The following USP28 variants were observed in gnomAD, a reference collection of about 807,000 sequenced individuals.
USP28 encodes the protein ubiquitin carboxyl-terminal hydrolase 28.
A neutral mutation model predicts 145.0 loss-of-function variants in USP28; 113 were observed. The observed-to-expected ratio is 0.78, with a 90% confidence interval of 0.67 to 0.91. The LOEUF (loss-of-function observed/expected upper bound fraction) is 0.91. Ranked by LOEUF, USP28 falls within the 40% of genes least tolerant of loss-of-function variation. USP28 has a pLI of 0.00. For missense variants in USP28, 1,201 were observed against 1,289.6 expected (o/e 0.93, Z 1.05); for synonymous variants, 447 against 450.9 (o/e 0.99, Z 0.11).
intron 12 of USP28, among the ~76,000 whole-genome samples, chr11:113,818,595 A>T (rs1445529055): frequency 3.9e-5 from 6 of 152,170 alleles, no homozygotes; most frequent in Admixed American, 1.3e-4. Flanking sequence ...ATGGTGACTC[A>T]TGCTTGTAAT....
At chr11:113,830,330 G>A (rs891728153) in intron 9 of USP28, among the ~76,000 whole-genome samples, 3 of 152,198 alleles carry the variant, frequency 2.0e-5, no homozygotes, top group African/African-American at 7.2e-5. Flanking sequence ...TATCAGATTG[G>A]TAAGAGTGGG....
intron 23 of USP28, among the ~76,000 whole-genome samples, chr11:113,802,765 A>G (rs1939262231): frequency 6.6e-6 from 1 of 152,252 alleles, no homozygotes; most frequent in African/African-American, 2.4e-5. Flanking sequence ...CATGGAAAAA[A>G]TGCTGCATTC....
At chr11:113,840,427 C>G (rs745787799) in intron 5 of USP28, among the ~76,000 whole-genome samples, 171 bp downstream of exon 5, 2 of 152,194 alleles carry the variant, frequency 1.3e-5, no homozygotes, top group Non-Finnish European at 2.9e-5. Flanking sequence ...CTTTTTAGTA[C>G]TGCCCAACTT....
At chr11:113,869,244 C>A (rs1365807677) in intron 1 of USP28, among the ~76,000 whole-genome samples, 1 of 152,104 alleles carries the variant, frequency 6.6e-6, no homozygotes, top group African/African-American at 2.4e-5. Context: ...ACCAGCCTGG[C>A]CAACATGGTG....
At chr11:113,805,955 G>T (rs570403219) in intron 19 of USP28, among the ~76,000 whole-genome samples, 5 of 152,040 alleles carry the variant, frequency 3.3e-5, no homozygotes, top group African/African-American at 1.2e-4. Flanking sequence ...TGGAGACAGG[G>T]TCTCACTCTG....
chr11:113,823,882 T>C (rs1018892394), intron 11 of USP28, among the ~76,000 whole-genome samples, 182 bp from the exon 12 acceptor site: 1 of 152,168 alleles, frequency 6.6e-6, no homozygotes, highest in Admixed American at 6.5e-5. Flanking sequence ...GGAACAAGGA[T>C]ACCCACTCTT....
Position 113,856,584 on chromosome 11 carries a change from C to T in USP28, c.58-2249G>A, listed in dbSNP as rs529090182. On this transcript the variant is annotated intron_variant, in intron 1 of 24. Coordinates refer to ENST00000003302, the Ensembl canonical transcript of USP28. ...CTGAGGCACAGAGAGATTAACTTTA[C>T]ACAAAGTTACTGCTGATAAGGGATG... Among the ~76,000 whole-genome samples the T allele has an allele frequency of 1.4e-4, 21 of 152,298 alleles. No homozygotes were observed. In the South Asian group the frequency reaches 3.1e-3, roughly 23 times the overall value.
At chr11:113,816,864 C>A (rs1941821127) in intron 13 of USP28, among the ~76,000 whole-genome samples, 2 of 152,146 alleles carry the variant, frequency 1.3e-5, no homozygotes, top group African/African-American at 4.8e-5. Context: ...CCACTCCTAT[C>A]CCCAGACTCA....
chr11:113,827,467 C>G (rs1329043041), intron 10 of USP28, 107 bp from the exon 11 acceptor site: 18 of 1,222,172 alleles, frequency 1.5e-5, no homozygotes, highest in Non-Finnish European at 2.0e-5. Flanking sequence ...TGGTATAGAA[C>G]TTATACTCAA....
intron 8 of USP28, among the ~76,000 whole-genome samples, chr11:113,831,573 A>T (rs902161998): frequency 6.6e-6 from 1 of 152,326 alleles, no homozygotes; most frequent in African/African-American, 2.4e-5. Context: ...CTCAAAAGGG[A>T]TCTTAAATTT....
exon 22 of USP28, chr11:113,803,803 T>G: frequency 6.2e-7 from 1 of 1,613,474 alleles, no homozygotes; most frequent in Non-Finnish European, 8.5e-7. Context: ...CATACTTTCC[T>G]TTTTGATAGA....
At chr11:113,858,901 G>A (rs997037366) in intron 1 of USP28, among the ~76,000 whole-genome samples, 5 of 152,276 alleles carry the variant, frequency 3.3e-5, no homozygotes. Context: ...GAGCCACCGG[G>A]CCAGGCCTGT....
chr11:113,839,332 C>T (rs1038098337), intron 5 of USP28, among the ~76,000 whole-genome samples: 14 of 152,316 alleles, frequency 9.2e-5, no homozygotes, highest in Admixed American at 5.9e-4. Flanking sequence ...GGCCTGTAAT[C>T]CCAGCACTTT....
intron 10 of USP28, 131 bp from the exon 11 acceptor site, chr11:113,827,491 T>A: frequency 1.1e-6 from 1 of 882,250 alleles, no homozygotes; most frequent in South Asian, 2.3e-5. Context: ...AAACTCATAC[T>A]AGAACTTTTT....
At chr11:113,801,582 T>C in exon 24 of USP28, 3 of 1,611,226 alleles carry the variant, frequency 1.9e-6, no homozygotes, top group East Asian at 2.2e-5. Context: ...ATAAGGTGAA[T>C]GCAGGGGATG....
chr11:113,870,157 C>A (rs1044337869), intron 1 of USP28, among the ~76,000 whole-genome samples: 6 of 152,040 alleles, frequency 3.9e-5, no homozygotes, highest in Admixed American at 3.9e-4. Flanking sequence ...AGCGAAACTC[C>A]GTCTCAAAAA....
chr11:113,840,659 T>A (rs758514195), exon 5 of USP28: 2 of 1,614,204 alleles, frequency 1.2e-6, no homozygotes, highest in Non-Finnish European at 1.7e-6. Flanking sequence ...TGGCCAACCA[T>A]CAACTCTCCT....
intron 23 of USP28, among the ~76,000 whole-genome samples, chr11:113,802,146 C>A (rs932734509): frequency 2.0e-5 from 3 of 152,134 alleles, no homozygotes; most frequent in Admixed American, 2.0e-4. Context: ...GGGGTTGGGA[C>A]TCAATAATGG....
At chr11:113,832,050 A>C (rs2135964644) in intron 7 of USP28, 57 bp from the exon 8 acceptor site, 3 of 1,366,968 alleles carry the variant, frequency 2.2e-6, no homozygotes, top group Non-Finnish European at 3.1e-6. Context: ...AGAAATTAAA[A>C]TTTATCCTTA....
Sources: allele counts gnomAD v4.1 joint callset (sites outside exome capture counted in the v4.1 genomes callset), GRCh38; gene constraint gnomAD v4.1.1; transcripts MANE v1.5; gene names NCBI Gene and HGNC (gene_info 2026-07-23, HGNC 2026-07-21).